The following KIFAP3 variants were observed in gnomAD, a reference collection of about 807,000 sequenced individuals.
KIFAP3 encodes kinesin associated protein 3, also known as kinesin-associated protein 3.
A neutral mutation model predicts 106.5 loss-of-function variants in KIFAP3; 68 were observed. The ratio of observed to expected loss-of-function variants is 0.64; its 90% CI spans 0.53 to 0.78. KIFAP3 has a LOEUF of 0.78. Among genes scored for constraint, KIFAP3 ranks in the 30% least tolerant of loss-of-function variants. The pLI, the probability that KIFAP3 is intolerant of heterozygous loss-of-function variation, is 0.00. For synonymous variants in KIFAP3, 320 were observed against 311.5 expected, an observed-to-expected ratio of 1.03 and a Z score of -0.29; for missense variants, 780 against 941.8, an observed-to-expected ratio of 0.83 and a Z score of 2.25.
chr1:169,928,168 T>G (rs1434837148), intron 19 of KIFAP3, among the ~76,000 whole-genome samples: 3 of 151,942 alleles, frequency 2.0e-5, no homozygotes, highest in Non-Finnish European at 4.4e-5. Context: ...GGCGTGATCT[T>G]GGCTCACTGC....
At chr1:170,061,770 CTATCAATG>C (rs1671169794) in intron 1 of KIFAP3, among the ~76,000 whole-genome samples, 1 of 152,150 alleles carries the variant, frequency 6.6e-6, no homozygotes, top group African/African-American at 2.4e-5. Context: ...ACCCAAATGT[CTATCAATG>C]ATAGACTGGA....
At chr1:170,052,109 A>C (rs1215236394) in intron 2 of KIFAP3, among the ~76,000 whole-genome samples, 2 of 152,168 alleles carry the variant, frequency 1.3e-5, no homozygotes, top group African/African-American at 4.8e-5. Context: ...TTAATAAAGA[A>C]GACAGAAAAA....
In KIFAP3 at chr1:169,970,860, C is replaced by T. The variant is rs111805128; in HGVS notation, c.1983+1653G>A. Among the ~76,000 whole-genome samples the T allele has an allele frequency of 2.7e-3, 408 of 151,798 alleles. 4 individuals carry two copies. The highest frequency in any genetic ancestry group is 4.9e-3 in the Non-Finnish European group (335 of 67,902). On this transcript the variant is annotated intron_variant, in intron 17 of 19. Coordinates refer to ENST00000361580, the MANE Select transcript of KIFAP3 (RefSeq NM_014970.4). ...CCAGAATTTTCATAGGTTTAAAGTG[C>T]GGAAATGAAGGAAGTAAAATATAGA...
At chr1:169,974,597 AT>A in intron 16 of KIFAP3, among the ~76,000 whole-genome samples, 1 of 151,538 alleles carries the variant, frequency 6.6e-6, no homozygotes, top group Middle Eastern at 3.4e-3. Context: ...GTATTTGTGC[AT>A]TTTTTAAAAA....
At chr1:170,033,346 A>G (rs1669512002) in intron 7 of KIFAP3, among the ~76,000 whole-genome samples, 1 of 151,774 alleles carries the variant, frequency 6.6e-6, no homozygotes, top group African/African-American at 2.4e-5. Flanking sequence ...GGGTTTCCAG[A>G]GGCCAAAATT....
At chr1:169,983,146 G>A (rs1156383204) in intron 13 of KIFAP3, 124 bp downstream of exon 13, 1 of 655,330 alleles carries the variant, frequency 1.5e-6, no homozygotes, top group African/African-American at 1.9e-5. Context: ...TAACAAAGTT[G>A]ATAACATAAG....
chr1:170,051,587 A>G (rs1670578546), intron 2 of KIFAP3, among the ~76,000 whole-genome samples: 1 of 152,180 alleles, frequency 6.6e-6, no homozygotes, highest in Admixed American at 6.5e-5. Flanking sequence ...CGACCACATA[A>G]TTGGGAGTAA....
At chr1:170,020,641 G>T (rs1668761989) in intron 9 of KIFAP3, among the ~76,000 whole-genome samples, 1 of 151,940 alleles carries the variant, frequency 6.6e-6, no homozygotes, top group African/African-American at 2.4e-5. Context: ...GTAGAGATGG[G>T]GTTTCACTGT....
At chr1:169,935,125 A>C (rs1043204161) in intron 19 of KIFAP3, among the ~76,000 whole-genome samples, 1 of 152,118 alleles carries the variant, frequency 6.6e-6, no homozygotes, top group African/African-American at 2.4e-5. Context: ...ATGTTTTATA[A>C]AAATATTTTT....
intron 16 of KIFAP3, among the ~76,000 whole-genome samples, chr1:169,973,198 T>A (rs1666027109): frequency 7.4e-6 from 1 of 134,922 alleles, no homozygotes. Flanking sequence ...AAAGCAAAAA[T>A]CATTTTGGAT....
chr1:169,949,122 A>T (rs1483424471), intron 19 of KIFAP3, among the ~76,000 whole-genome samples: 2 of 151,936 alleles, frequency 1.3e-5, no homozygotes, highest in Non-Finnish European at 2.9e-5. Context: ...AGTACAACTA[A>T]TATCCAACTG....
At chr1:170,001,640 A>T (rs1667674031) in intron 10 of KIFAP3, among the ~76,000 whole-genome samples, 1 of 152,114 alleles carries the variant, frequency 6.6e-6, no homozygotes, top group Non-Finnish European at 1.5e-5. Flanking sequence ...GTCTATGAGG[A>T]GTTGTGTTCT....
intron 9 of KIFAP3, among the ~76,000 whole-genome samples, chr1:170,019,508 C>T (rs1316077111): frequency 6.6e-6 from 1 of 152,046 alleles, no homozygotes; most frequent in Non-Finnish European, 1.5e-5. Context: ...CAATACAAGA[C>T]TGGTAAACAT....
intron 3 of KIFAP3, among the ~76,000 whole-genome samples, chr1:170,044,925 G>C (rs531213220): frequency 6.6e-6 from 1 of 152,294 alleles, no homozygotes; most frequent in Admixed American, 6.5e-5. Context: ...TATAGCTTAT[G>C]ACAAGTAAAG....
At chr1:169,981,699 T>A (rs1165238178) in intron 15 of KIFAP3, among the ~76,000 whole-genome samples, 1 of 152,190 alleles carries the variant, frequency 6.6e-6, no homozygotes, top group Non-Finnish European at 1.5e-5. Context: ...ACTATATTGG[T>A]TGTTCAAGGT....
Position 169,961,145 on chromosome 1 carries a change from T to A in KIFAP3, c.2074A>T (p.Met692Leu). 1.2e-6 allele frequency: 2 copies of A among 1,613,710 alleles called. No individual in the cohort carries two copies. Among genetic ancestry groups the A allele is most frequent in the African/African-American group, 2.7e-5 (2 of 75,040 alleles). ...QWLEMVESRQ[M>L]DESEQYLYGD... ...TACAAGTACTGCTCACTCTCATCCA[T>A]CTGACGACTCTCTACCATCTCCAGC... is the stretch of plus-strand genomic sequence containing the variant. The change falls in exon 18 of 20, where the codon ATG (methionine) becomes TTG (leucine). Residue 692 changes from methionine (M) to leucine (L), a missense_variant. Physicochemically the swap from Met to Leu is conservative, Grantham distance 15 (BLOSUM62 2). Transcript: ENST00000361580.
At chr1:170,059,252 T>TA (rs946224403) in intron 1 of KIFAP3, among the ~76,000 whole-genome samples, 2 of 152,048 alleles carry the variant, frequency 1.3e-5, no homozygotes, top group Admixed American at 6.6e-5. Flanking sequence ...ACAAAACTGA[T>TA]AGACTGCTAG....
intron 10 of KIFAP3, among the ~76,000 whole-genome samples, chr1:169,995,470 C>T (rs1467338451): frequency 1.3e-5 from 2 of 152,126 alleles, no homozygotes; most frequent in East Asian, 1.9e-4. Flanking sequence ...CCTAGTCTTA[C>T]TTAATTTTTA....
At chr1:170,077,691 C>G (rs922211577), upstream of KIFAP3, among the ~76,000 whole-genome samples, 1 of 152,114 alleles carries the variant, frequency 6.6e-6, no homozygotes, top group African/African-American at 2.4e-5. Context: ...TCTAAAATTC[C>G]TTTGTATCCT....
Sources: gnomAD v4.1 joint callset for allele counts (sites outside exome capture counted in the v4.1 genomes callset) on GRCh38, gnomAD v4.1.1 for gene constraint, MANE v1.5 for transcripts, NCBI Gene and HGNC (gene_info 2026-07-23, HGNC 2026-07-21) for gene names.